The following ME3 variants were observed in gnomAD, a reference collection of about 807,000 sequenced individuals.
ME3 encodes the protein malic enzyme 3.
In ME3, 48 loss-of-function variants were observed where a neutral mutation model predicts 68.9. The observed-to-expected ratio is 0.70, with a 90% confidence interval of 0.55 to 0.89. ME3 has a LOEUF of 0.89. ME3 is among the 40% of genes least tolerant of loss of function. ME3 has a pLI of 0.00. For synonymous variants in ME3, 320 were observed against 318.8 expected, an observed-to-expected ratio of 1.00 and a Z score of -0.04; for missense variants, 675 against 797.4, an observed-to-expected ratio of 0.85 and a Z score of 1.85.
At chr11:86,437,649 G>A (rs1948905219), downstream of ME3, among the ~76,000 whole-genome samples, 2 of 152,140 alleles carry the variant, frequency 1.3e-5, no homozygotes, top group African/African-American at 4.8e-5. Context: ...GCAATGTTTT[G>A]TAGTTTTTGG....
chr11:86,620,366 T>G (rs893170363), intron 2 of ME3, among the ~76,000 whole-genome samples: 1 of 152,224 alleles, frequency 6.6e-6, no homozygotes, highest in African/African-American at 2.4e-5. Context: ...CAGCTTGCTT[T>G]TAAAGTTTTC....
intron 2 of ME3, among the ~76,000 whole-genome samples, chr11:86,654,249 G>A (rs879337010): frequency 1.3e-5 from 2 of 152,168 alleles, no homozygotes; most frequent in Non-Finnish European, 2.9e-5. Flanking sequence ...CATTTTATGA[G>A]GCCAGCATCA....
intron 4 of ME3, among the ~76,000 whole-genome samples, chr11:86,511,106 A>C (rs1953489794): frequency 1.3e-5 from 2 of 152,164 alleles, no homozygotes; most frequent in African/African-American, 4.8e-5. Context: ...CAGTAACACT[A>C]CCTCCTTTAT....
At chr11:86,509,866 A>G (rs1953388837) in intron 4 of ME3, among the ~76,000 whole-genome samples, 1 of 151,954 alleles carries the variant, frequency 6.6e-6, no homozygotes, top group South Asian at 2.1e-4. Flanking sequence ...AGCCAAATCA[A>G]CTCCCTCCTA....
At chr11:86,448,632 G>A (rs1593997789) in intron 10 of ME3, among the ~76,000 whole-genome samples, 1 of 152,086 alleles carries the variant, frequency 6.6e-6, no homozygotes, top group African/African-American at 2.4e-5. Flanking sequence ...TGAGGGATGG[G>A]GACCTGTGCC....
intron 4 of ME3, among the ~76,000 whole-genome samples, chr11:86,538,878 A>G (rs1955861244): frequency 6.6e-6 from 1 of 152,204 alleles, no homozygotes. Context: ...GGAAATGTCC[A>G]GGGAAGAAGA....
intron 4 of ME3, among the ~76,000 whole-genome samples, chr11:86,536,287 G>A (rs1313132195): frequency 1.3e-5 from 2 of 150,422 alleles, no homozygotes; most frequent in South Asian, 2.1e-4. Context: ...TGACAAATGG[G>A]ATCTAATTAA....
chr11:86,633,337 A>G (rs1368779841), intron 2 of ME3, among the ~76,000 whole-genome samples: 1 of 152,220 alleles, frequency 6.6e-6, no homozygotes, highest in Non-Finnish European at 1.5e-5. Flanking sequence ...GAGGGGTGCT[A>G]TTATTAACCC....
At chr11:86,534,249 CTG>C (rs1312839926) in intron 4 of ME3, among the ~76,000 whole-genome samples, 1 of 152,074 alleles carries the variant, frequency 6.6e-6, no homozygotes, top group Non-Finnish European at 1.5e-5. Context: ...CTTTATAACA[CTG>C]TATACTTAGG....
intron 2 of ME3, among the ~76,000 whole-genome samples, chr11:86,616,671 T>C (rs537030552): frequency 6.6e-6 from 1 of 152,224 alleles, no homozygotes. Flanking sequence ...CATATAAACC[T>C]AGTTGGGGGA....
intron 2 of ME3, among the ~76,000 whole-genome samples, chr11:86,595,539 C>T (rs1959277854): frequency 6.6e-6 from 1 of 152,144 alleles, no homozygotes; most frequent in Non-Finnish European, 1.5e-5. Context: ...AGCAAACTGA[C>T]AATCAGATCG....
intron 2 of ME3, among the ~76,000 whole-genome samples, chr11:86,575,652 G>T (rs899790275): frequency 2.5e-5 from 3 of 117,898 alleles, no homozygotes; most frequent in Admixed American, 2.3e-4. Flanking sequence ...CCCAGGTTGG[G>T]TGCAGTGACT....
intron 2 of ME3, among the ~76,000 whole-genome samples, chr11:86,582,470 T>G (rs1185575787): frequency 2.6e-5 from 4 of 152,068 alleles, no homozygotes; most frequent in Non-Finnish European, 5.9e-5. Flanking sequence ...AAGATAAAAG[T>G]CCTGTACAAA....
chr11:86,593,110 A>G (rs567580353), intron 2 of ME3, among the ~76,000 whole-genome samples: 114 of 152,342 alleles, frequency 7.5e-4, no homozygotes, highest in African/African-American at 2.7e-3. Flanking sequence ...CACTGCCAGG[A>G]AAATGACTCA....
At chr11:86,517,227 C>A (rs988464625) in intron 4 of ME3, among the ~76,000 whole-genome samples, 1 of 152,136 alleles carries the variant, frequency 6.6e-6, no homozygotes, top group African/African-American at 2.4e-5. Flanking sequence ...TGCAACATGG[C>A]ACCTCTGGGT....
chr11:86,516,615 T>C (rs1423133653), intron 4 of ME3, among the ~76,000 whole-genome samples: 2 of 152,200 alleles, frequency 1.3e-5, no homozygotes, highest in Non-Finnish European at 2.9e-5. Flanking sequence ...GGTCTTGAAC[T>C]CCTGACCTCA....
At chr11:86,559,589 CT>C in intron 3 of ME3, 100 bp downstream of exon 3, 10 of 1,415,528 alleles carry the variant, frequency 7.1e-6, no homozygotes, top group Middle Eastern at 2.7e-4. Context: ...GGCTCTCAGC[CT>C]TTTTTAGCTG....
In ME3 at chr11:86,558,987, C is replaced by T. The variant is rs533796732; in HGVS notation, c.317+703G>A. Among the ~76,000 whole-genome samples the T allele has an allele frequency of 7.9e-4, 121 of 152,292 alleles. 1 individual carries two copies. The highest frequency in any genetic ancestry group is 2.8e-3 in the African/African-American group (117 of 41,564). ...CTGCTGCATCTTAGCTGTGGCATAGCAGAGAAATGAAAAGCATAGACTCTG... is the reference window on the plus strand; with the variant it reads ...CTGCTGCATCTTAGCTGTGGCATAGTAGAGAAATGAAAAGCATAGACTCTG... On this transcript the variant is annotated intron_variant, in intron 3 of 14. Coordinates refer to ENST00000543262, the Ensembl canonical transcript of ME3.
chr11:86,464,975 T>C, intron 8 of ME3, 116 bp downstream of exon 8: 1 of 763,630 alleles, frequency 1.3e-6, no homozygotes, highest in South Asian at 1.5e-5. Context: ...TTTCAACAGC[T>C]GCTGGCAGCA....
Sources: gnomAD v4.1 joint callset for allele counts (sites outside exome capture counted in the v4.1 genomes callset) on GRCh38, gnomAD v4.1.1 for gene constraint, MANE v1.5 for transcripts, NCBI Gene and HGNC (gene_info 2026-07-23, HGNC 2026-07-21) for gene names.